Variants in CER1 observed in about 807,000 individuals in gnomAD.
CER1 encodes the protein cerberus 1, DAN family BMP antagonist, also known as cerberus.
A neutral mutation model predicts 11.8 loss-of-function variants in CER1; 10 were observed. That is an observed-to-expected ratio of 0.85 (90% CI 0.52 to 1.44). The LOEUF is 1.44. Ranked by LOEUF, CER1 falls within the 40% of genes most tolerant of loss-of-function variation. The pLI is 0.00. For synonymous variants in CER1, 141 were observed against 122.3 expected (o/e 1.15, Z -1.01); for missense variants, 431 against 327.0 (o/e 1.32, Z -2.45).
chr9:14,722,158 A>C lies in CER1; in HGVS notation c.507+8T>G. On this transcript the variant is annotated splice_region_variant and intron_variant, in intron 1 of 1. Coordinates refer to ENST00000380911, the MANE Select transcript of CER1 (RefSeq NM_005454.3). The stretch of plus-strand genomic sequence containing the variant: ...AACTCTTACCTGCTCTCCCCCCAGA[A>C]CACATACCTGGCTGAAGGGCACTGT... 6.2e-7 allele frequency: 1 copy of C among 1,610,542 alleles called. No homozygotes were observed. The highest frequency in any genetic ancestry group is 8.5e-7 in the Non-Finnish European group (1 of 1,178,084).
chr9:14,721,921 T>C (rs1840018473), intron 1 of CER1, among the ~76,000 whole-genome samples: 3 of 152,204 alleles, frequency 2.0e-5, no homozygotes, highest in African/African-American at 7.2e-5. Context: ...TCAGTGTGAA[T>C]GAATGATTAC....
At chr9:14,721,149 CT>C (rs549188187) in intron 1 of CER1, among the ~76,000 whole-genome samples, 295 of 152,332 alleles carry the variant, frequency 1.9e-3, no homozygotes, top group African/African-American at 6.8e-3. Context: ...GCTACATATC[CT>C]TGCCTTTTCA....
In CER1 at chr9:14,720,324, G is replaced by A. The variant is rs533058950; in HGVS notation, c.570C>T (p.Cys190=). The A allele has an allele frequency of 1.3e-5, 21 of 1,613,924 alleles. No homozygotes were observed. The highest frequency in any genetic ancestry group is 1.7e-4 in the Middle Eastern group (1 of 5,878). Residue 190 remains cysteine (C), a synonymous_variant, in exon 2 of 2, where the codon TGC becomes TGT. Transcript: ENST00000380911. ...VVQNNLCFGK[C]GSVHFPGAAQ... is the part of the protein sequence containing the mutation. ...CGGCTCCAGGAAAATGAACAGACCCGCATTTCCCAAAGCAAAGGTTGTTCT... is the reference window on the plus strand; with the variant it reads ...CGGCTCCAGGAAAATGAACAGACCCACATTTCCCAAAGCAAAGGTTGTTCT...
Position 14,722,161 on chromosome 9 carries a change from C to A in CER1, c.507+5G>T. The A allele has an allele frequency of 1.2e-6, 2 of 1,610,878 alleles. No homozygotes were observed. The highest frequency in any genetic ancestry group is 8.5e-7 in the Non-Finnish European group (1 of 1,178,240). On this transcript the variant is annotated splice_donor_5th_base_variant and intron_variant, in intron 1 of 1. Transcript: ENST00000380911. ...TCTTACCTGCTCTCCCCCCAGAACA[C>A]ATACCTGGCTGAAGGGCACTGTCCT...
downstream of CER1, among the ~76,000 whole-genome samples, chr9:14,718,002 TAC>T (rs1317140469): frequency 1.3e-5 from 2 of 152,328 alleles, no homozygotes; most frequent in Admixed American, 1.3e-4. Flanking sequence ...CTTGGTTTCT[TAC>T]AGTCTTACAT....
Position 14,722,356 on chromosome 9 carries a change from G to A in CER1, c.317C>T (p.Pro106Leu). 1 of 1,614,188 alleles carries A rather than the reference G, an allele frequency of 6.2e-7. No homozygotes were observed. Among genetic ancestry groups the A allele is most frequent in the Non-Finnish European group, 8.5e-7 (1 of 1,180,022 alleles). Residue 106 changes from proline (P) to leucine (L), a missense_variant, in exon 1 of 2, where the codon CCA (proline) becomes CTA (leucine). Pro to Leu is a moderately conservative substitution (Grantham distance 98). Transcript: ENST00000380911. Reference sequence around the variant, plus strand: ...CTGGATGAGGGACTGGGTCCCAGGTGGGAAGGGCTCACTATCTGAGTCCCT... The same window carrying A: ...CTGGATGAGGGACTGGGTCCCAGGTAGGAAGGGCTCACTATCTGAGTCCCT... ...PSRDSDSEPFPPGTQSLIQPI... is the reference protein window; with the variant it reads ...PSRDSDSEPFLPGTQSLIQPI...
Position 14,722,306 on chromosome 9 carries a change from T to C in CER1, c.367A>G (p.Lys123Glu). ...IQPIDGMKME[K>E]SPLREEAKKF... is the part of the protein sequence containing the mutation. ...TTGGCTTCTTCCCGAAGAGGAGATTTCTCCATTTTCATTCCATCTATCGGC... is the reference window on the plus strand; with the variant it reads ...TTGGCTTCTTCCCGAAGAGGAGATTCCTCCATTTTCATTCCATCTATCGGC... Residue 123 changes from lysine to glutamate, a missense_variant, in exon 1 of 2, where the codon AAA becomes GAA. Transcript: ENST00000380911. 6.2e-7 allele frequency: 1 copy of C among 1,614,232 alleles called. No homozygotes were observed. Among genetic ancestry groups the C allele is most frequent in the Non-Finnish European group, 8.5e-7 (1 of 1,180,042 alleles).
chr9:14,721,581 C>T lies in CER1; in HGVS notation c.507+585G>A, dbSNP rs79782396. Among the ~76,000 whole-genome samples the T allele has an allele frequency of 4.4e-3, 674 of 152,276 alleles. 2 individuals are homozygous for T. Among genetic ancestry groups the T allele is most frequent in the African/African-American group, 0.015 (631 of 41,544 alleles). ...GACAACTTTTGCCTGAGAACCTCAA[C>T]GTACTTTGAGGTTGTGGGATAGCTT... On this transcript the variant is annotated intron_variant, in intron 1 of 1. Transcript: ENST00000380911.
At chr9:14,722,142 C>G in intron 1 of CER1, 24 bp downstream of exon 1, 8 of 1,597,020 alleles carry the variant, frequency 5.0e-6, no homozygotes, top group Non-Finnish European at 6.8e-6. Context: ...AAACTCTTAC[C>G]TGCTCTCCCC....
downstream of CER1, among the ~76,000 whole-genome samples, chr9:14,719,524 TG>T (rs1839974913): frequency 1.1e-5 from 1 of 87,686 alleles, no homozygotes; most frequent in Non-Finnish European, 2.2e-5. Context: ...CCTGCCTGCC[TG>T]CGTGCCTGCC....
rs1310111933 is a variant in CER1, at chr9:14,720,012, C to T, written c.*78G>A. 2 of 1,401,572 alleles carry T rather than the reference C, an allele frequency of 1.4e-6. No homozygotes were observed. The highest frequency in any genetic ancestry group is 2.0e-6 in the Non-Finnish European group (2 of 1,001,536). The allele number at this position is 1,401,572 out of a possible 1,614,324, so 86.8% of individuals were successfully genotyped here. ...TTTCCCTGAAAATGTTATGTACCCA[C>T]TTAACATTTTCAGACTGAATAATCA... On this transcript the variant is annotated 3_prime_UTR_variant, in exon 2 of 2. Transcript: ENST00000380911.
In CER1 at chr9:14,722,513, G is replaced by C. The variant is rs1388333593; in HGVS notation, c.160C>G (p.Pro54Ala). ...TGTGGCACTGCGACAAACAGATCTGGCTTCTCCTCAGCTTCCTCATGGTTG... is the reference window on the plus strand; with the variant it reads ...TGTGGCACTGCGACAAACAGATCTGCCTTCTCCTCAGCTTCCTCATGGTTG... Reference protein sequence around the residue: ...TGNHEEAEEKPDLFVAVPHLV... With the variant: ...TGNHEEAEEKADLFVAVPHLV... The change falls in exon 1 of 2, where the codon CCA (proline) becomes GCA (alanine). Residue 54 changes from proline (P) to alanine (A), a missense_variant. By Grantham distance (27) the Pro-to-Ala change is conservative. Transcript: ENST00000380911. 4 of 1,614,156 alleles carry C rather than the reference G, an allele frequency of 2.5e-6. No individual in the cohort carries two copies. In the Admixed American group the frequency reaches 6.7e-5, roughly 27 times the overall value.
chr9:14,718,870 G>A (rs1839968146), downstream of CER1, among the ~76,000 whole-genome samples: 1 of 152,108 alleles, frequency 6.6e-6, no homozygotes, highest in Non-Finnish European at 1.5e-5. Flanking sequence ...ATAAGTCTAT[G>A]AAGACATTCC....
intron 1 of CER1, among the ~76,000 whole-genome samples, chr9:14,720,720 A>G (rs1376387449): frequency 6.6e-6 from 1 of 152,240 alleles, no homozygotes; most frequent in Non-Finnish European, 1.5e-5. Context: ...ATTATCTTAC[A>G]TAAGTAATGT....
chr9:14,722,453 T>C lies in CER1; in HGVS notation c.220A>G (p.Arg74Gly). ...VATSPAGEGQ[R>G]QREKMLSRFG... The stretch of plus-strand genomic sequence containing the variant: ...CTGGACAGCATCTTCTCTCTCTGCC[T>C]CTGGCCTTCCCCTGCAGGGCTGGTG... Residue 74 changes from arginine to glycine, a missense_variant, in exon 1 of 2, where the codon AGG becomes GGG. By Grantham distance (125) the Arg-to-Gly change is moderately radical (BLOSUM62 -2). Transcript: ENST00000380911. 6.2e-7 allele frequency: 1 copy of C among 1,614,226 alleles called. No homozygotes were observed. The highest frequency in any genetic ancestry group is 1.7e-5 in the Admixed American group (1 of 60,026).
Position 14,720,276 on chromosome 9 carries a change from G to C in CER1, c.618C>G (p.Cys206Trp), listed in dbSNP as rs1839990356. The stretch of plus-strand genomic sequence containing the variant: ...TGAACTTGGCAGGCAAACAGTGAGA[G>C]CAGGAGGTATGGGAGTGCTGCGCGG... ...PGAAQHSHTS[C>W]SHCLPAKFTT... Residue 206 changes from cysteine (C) to tryptophan (W), a missense_variant, in exon 2 of 2, where the codon TGC becomes TGG. Physicochemically the swap from Cys to Trp is radical, Grantham distance 215. Transcript: ENST00000380911. 6.2e-7 allele frequency: 1 copy of C among 1,614,134 alleles called. No homozygotes were observed. The highest frequency in any genetic ancestry group is 8.5e-7 in the Non-Finnish European group (1 of 1,180,032).
At chr9:14,720,527 A>G in intron 1 of CER1, 141 bp from the exon 2 acceptor site, 1 of 787,638 alleles carries the variant, frequency 1.3e-6, no homozygotes. Context: ...GCAATATGCA[A>G]GTGATGGTAT....
downstream of CER1, among the ~76,000 whole-genome samples, chr9:14,719,523 CTGCG>C (rs1473257786): frequency 4.3e-5 from 5 of 116,974 alleles, no homozygotes; most frequent in East Asian, 7.1e-4. Context: ...CCCTGCCTGC[CTGCG>C]TGCCTGCCTG....
At chr9:14,720,471 A>G (rs1275589008) in intron 1 of CER1, 85 bp from the exon 2 acceptor site, 24 of 1,327,304 alleles carry the variant, frequency 1.8e-5, no homozygotes, top group Non-Finnish European at 2.4e-5. Context: ...TGTAAATCTG[A>G]GGATAATTTA....
Sources: gnomAD v4.1 joint callset for allele counts (sites outside exome capture counted in the v4.1 genomes callset) on GRCh38, gnomAD v4.1.1 for gene constraint, MANE v1.5 for transcripts, NCBI Gene and HGNC (gene_info 2026-07-23, HGNC 2026-07-21) for gene names.